REV1: variants seen among roughly 807,000 people sequenced by gnomAD.
REV1 encodes the protein translesion synthesis protein REV1.
A neutral mutation model predicts 137.4 loss-of-function variants in REV1; 42 were observed. That is an observed-to-expected ratio of 0.31 (90% CI 0.24 to 0.40). The LOEUF is 0.40. REV1 is among the 10% of genes least tolerant of loss of function. The pLI, the probability that REV1 is intolerant of heterozygous loss-of-function variation, is 1.00. For synonymous variants in REV1, 524 were observed against 519.2 expected (o/e 1.01, Z -0.12); for missense variants, 1,282 against 1,490.1 (o/e 0.86, Z 2.30).
Position 99,418,889 on chromosome 2 carries a change from G to T in REV1, c.1890C>A (p.Tyr630Ter). 6.2e-7 allele frequency: 1 copy of T among 1,611,704 alleles called. No homozygotes were observed. Among genetic ancestry groups the T allele is most frequent in the African/African-American group, 1.3e-5 (1 of 74,890 alleles). The change falls in exon 12 of 23, where the codon TAC (tyrosine) becomes TAA (stop). Residue 630 changes from tyrosine to a stop codon, truncating the protein, a stop_gained. Coordinates refer to ENST00000258428, the MANE Select transcript of REV1 (RefSeq NM_016316.4). LOFTEE classifies it high-confidence loss of function. ...CATCTACTTCTTCTGGTTTTAGGTG[G>T]TACTGCCCATCTGGTTTTGCTTTTC... Reference protein sequence around the residue: ...ATRKAKPDGQYHLKPEEVDDF... With the variant: ...ATRKAKPDGQ
In REV1 at chr2:99,410,744, C is replaced by T. The variant is rs1018017061; in HGVS notation, c.2296G>A (p.Val766Ile). The T allele has an allele frequency of 5.6e-6, 9 of 1,608,800 alleles. No individual in the cohort carries two copies. The highest frequency in any genetic ancestry group is 1.7e-5 in the Admixed American group (1 of 58,718). ...TGGCCTCCAAATTTTGCAGTTTCTA[C>T]AGGAGCCCCAGGCTTTCGTACCATG... ...KIMVRKPGAP[V>I]ETAKFGGHGI... The change falls in exon 14 of 23, where the codon GTA becomes ATA. Residue 766 changes from valine to isoleucine, a missense_variant. Coordinates refer to ENST00000258428, the MANE Select transcript of REV1 (RefSeq NM_016316.4).
intron 4 of REV1, among the ~76,000 whole-genome samples, chr2:99,448,750 C>T (rs1433840274): frequency 2.0e-5 from 3 of 152,156 alleles, no homozygotes; most frequent in Non-Finnish European, 4.4e-5. Flanking sequence ...ACTGCCTAGT[C>T]TTTAAGAGGT....
intron 1 of REV1, among the ~76,000 whole-genome samples, chr2:99,476,486 G>C (rs1685992409): frequency 6.6e-6 from 1 of 152,138 alleles, no homozygotes; most frequent in African/African-American, 2.4e-5. Flanking sequence ...AACCCGGGAG[G>C]CGGAGGTTGC....
chr2:99,464,555 T>C (rs192645110), intron 2 of REV1, among the ~76,000 whole-genome samples: 1 of 152,344 alleles, frequency 6.6e-6, no homozygotes, highest in East Asian at 1.9e-4. Context: ...TTGAGATATA[T>C]AAAGCTGAAT....
intron 4 of REV1, among the ~76,000 whole-genome samples, 171 bp downstream of exon 4, chr2:99,449,165 T>C (rs1434069620): frequency 6.6e-6 from 1 of 151,976 alleles, no homozygotes; most frequent in Non-Finnish European, 1.5e-5. Flanking sequence ...CTCTGGAAGC[T>C]GAGATGGGAG....
chr2:99,451,574 T>A, intron 3 of REV1: 2 of 966,912 alleles, frequency 2.1e-6, no homozygotes, highest in Non-Finnish European at 1.5e-6. Flanking sequence ...TTCACACTCC[T>A]GAGTTGTGTG....
intron 5 of REV1, among the ~76,000 whole-genome samples, 186 bp downstream of exon 5, chr2:99,442,131 A>G (rs1213541040): frequency 2.0e-5 from 3 of 151,912 alleles, no homozygotes; most frequent in Non-Finnish European, 4.4e-5. Flanking sequence ...ACACGCCTGT[A>G]AGCCTAGCTA....
At position 99,434,428 on chromosome 2, in the gene REV1, T is replaced by G; in HGVS notation, c.1342A>C (p.Ser448Arg). Residue 448 changes from serine to arginine, a missense_variant, in exon 8 of 23, where the codon AGT (serine) becomes CGT (arginine). By Grantham distance (110) the Ser-to-Arg change is moderately radical. Coordinates refer to ENST00000258428, the MANE Select transcript of REV1 (RefSeq NM_016316.4). ...GGTGCCCTTCCTGTGCCTCTGTTAC[T>G]TGTAACAGCCACTGGTTTTCCTGTG... ...DLKGKPVAVT[S>R]NRGTGRAPLR... 2 of 1,599,926 alleles carry G rather than the reference T, an allele frequency of 1.3e-6. No individual in the cohort carries two copies. The highest frequency in any genetic ancestry group is 1.7e-6 in the Non-Finnish European group (2 of 1,172,372).
intron 4 of REV1, among the ~76,000 whole-genome samples, chr2:99,447,967 A>AT (rs1411542684): frequency 6.6e-6 from 1 of 152,142 alleles, no homozygotes; most frequent in African/African-American, 2.4e-5. Context: ...AAGTGCTGGG[A>AT]TTACAGGCAT....
intron 1 of REV1, among the ~76,000 whole-genome samples, chr2:99,472,790 C>G (rs1685562282): frequency 6.6e-6 from 1 of 152,214 alleles, no homozygotes. Flanking sequence ...AAAGTGCTAG[C>G]ACGCATGCCC....
At position 99,405,925 on chromosome 2, in the gene REV1, G is replaced by A. The variant is rs563778965; in HGVS notation, c.2796C>T (p.Val932=). 3 of 1,556,700 alleles carry A rather than the reference G, an allele frequency of 1.9e-6. No individual in the cohort carries two copies. The highest frequency in any genetic ancestry group is 2.7e-5 in the African/African-American group (2 of 73,120). ...VQSRLNLSIE[V]PSPSQLDQSV... ...AAAAATGTACCTGGGAAGGTGACGG[G>A]ACCTCTATACTCAGGTTAAGTCTCG... The change falls in exon 17 of 23, where the codon GTC becomes GTT. Residue 932 remains valine (V), a synonymous_variant. Coordinates refer to ENST00000258428, the MANE Select transcript of REV1 (RefSeq NM_016316.4).
chr2:99,489,343 A>G (rs1182455706), intron 1 of REV1, among the ~76,000 whole-genome samples: 2 of 152,160 alleles, frequency 1.3e-5, no homozygotes, highest in Admixed American at 6.5e-5. Context: ...CCGGGTCGAC[A>G]TTCTACAAAC....
intron 2 of REV1, 46 bp from the exon 3 acceptor site, chr2:99,462,668 TCCC>T (rs767676177): frequency 1.7e-4 from 261 of 1,560,304 alleles, no homozygotes; most frequent in Non-Finnish European, 1.8e-4. Flanking sequence ...TTACATTTTC[TCCC>T]CCCTTTTTTG....
intron 8 of REV1, among the ~76,000 whole-genome samples, chr2:99,430,556 T>C (rs1679985598): frequency 6.6e-6 from 1 of 152,222 alleles, no homozygotes; most frequent in Non-Finnish European, 1.5e-5. Flanking sequence ...TACAGGTAAT[T>C]GTATTTTGGT....
rs535638136 is a variant in REV1, at chr2:99,488,637, A to C, written c.-11+1180T>G. On this transcript the variant is annotated intron_variant, in intron 1 of 22. Coordinates refer to ENST00000258428, the MANE Select transcript of REV1 (RefSeq NM_016316.4). Reference sequence around the variant, plus strand: ...CCAGTACAGGAAGGCAGGGAACAATACGCAGCACTGGTCCCTGCACGGGCA... The same window carrying C: ...CCAGTACAGGAAGGCAGGGAACAATCCGCAGCACTGGTCCCTGCACGGGCA... 2.0e-5 allele frequency among the ~76,000 whole-genome samples: 3 copies of C among 152,352 alleles called. No individual in the cohort carries two copies. In the South Asian group the frequency reaches 6.2e-4, roughly 32 times the overall value.
intron 6 of REV1, among the ~76,000 whole-genome samples, chr2:99,436,989 T>TG (rs1680836264): frequency 1.4e-5 from 2 of 145,926 alleles, no homozygotes; most frequent in Non-Finnish European, 1.5e-5. Flanking sequence ...ACTTTTTTTT[T>TG]GTTTTTTTTT....
chr2:99,448,843 A>T (rs1270868448), intron 4 of REV1, among the ~76,000 whole-genome samples: 1 of 152,126 alleles, frequency 6.6e-6, no homozygotes, highest in Non-Finnish European at 1.5e-5. Flanking sequence ...ATCACCCCTA[A>T]TTCCTGGCAA....
chr2:99,405,744 T>C, intron 17 of REV1, 166 bp downstream of exon 17: 1 of 471,058 alleles, frequency 2.1e-6, no homozygotes. Flanking sequence ...AAATATTGCT[T>C]ATTTAGAATC....
intron 12 of REV1, among the ~76,000 whole-genome samples, chr2:99,414,023 T>G (rs557417787): frequency 2.0e-5 from 3 of 152,264 alleles, no homozygotes; most frequent in South Asian, 4.1e-4. Context: ...GGTGTGGTGG[T>G]GCGCTCCTGT....
Sources: gnomAD v4.1 joint callset for allele counts (sites outside exome capture counted in the v4.1 genomes callset) on GRCh38, gnomAD v4.1.1 for gene constraint, MANE v1.5 for transcripts, NCBI Gene and HGNC (gene_info 2026-07-23, HGNC 2026-07-21) for gene names.